Variants in MCC observed in about 807,000 individuals in gnomAD.
MCC encodes the protein colorectal mutant cancer protein.
A neutral mutation model predicts 116.2 loss-of-function variants in MCC; 90 were observed. The ratio of observed to expected loss-of-function variants is 0.77; its 90% CI spans 0.65 to 0.92. The LOEUF (loss-of-function observed/expected upper bound fraction) is 0.92. Among genes scored for constraint, MCC ranks in the 40% least tolerant of loss-of-function variants. The pLI is 0.00. For missense variants in MCC, 1,516 were observed against 1,312.2 expected (o/e 1.16, Z -2.40); for synonymous variants, 578 against 510.5 (o/e 1.13, Z -1.78).
chr5:113,029,727 A>G (rs1359318663), intron 17 of MCC, among the ~76,000 whole-genome samples: 1 of 152,180 alleles, frequency 6.6e-6, no homozygotes, highest in Non-Finnish European at 1.5e-5. Context: ...CAGTCAGCTC[A>G]TTGCCTTCCT....
Position 113,408,132 on chromosome 5 carries a change from G to T in MCC, c.171-22920C>A, listed in dbSNP as rs374037738. On this transcript the variant is annotated intron_variant, in intron 1 of 18. Transcript: ENST00000408903. Reference sequence around the variant, plus strand: ...AAGGTAGATATCTTTCATACAACCTGGACAGATAAGGTTCCTCATCTCACT... The same window carrying T: ...AAGGTAGATATCTTTCATACAACCTTGACAGATAAGGTTCCTCATCTCACT... 1.8e-4 allele frequency among the ~76,000 whole-genome samples: 27 copies of T among 152,130 alleles called. 4 individuals carry two copies. Among genetic ancestry groups the T allele is most frequent in the Admixed American group, 7.2e-4 (11 of 15,276 alleles).
intron 6 of MCC, among the ~76,000 whole-genome samples, chr5:113,106,070 C>A (rs1441413617): frequency 1.3e-5 from 2 of 152,180 alleles, no homozygotes; most frequent in Non-Finnish European, 2.9e-5. Context: ...AGAGTGAGAA[C>A]CACTGATCTG....
At chr5:113,036,708 C>T (rs1751353385) in intron 17 of MCC, among the ~76,000 whole-genome samples, 1 of 152,054 alleles carries the variant, frequency 6.6e-6, no homozygotes, top group East Asian at 1.9e-4. Context: ...GTTCCAGTGC[C>T]CTCTACCACT....
chr5:113,026,748 A>ACC lies in MCC; in HGVS notation c.*552_*553dup, dbSNP rs2150204342. 6.5e-6 allele frequency: 1 copy of ACC among 153,612 alleles called. No individual in the cohort carries two copies. The highest frequency in any genetic ancestry group is 2.4e-5 in the African/African-American group (1 of 41,548). 9.5% of individuals were successfully genotyped at this position (153,612 alleles called of 1,614,324 possible). ...CCATGACCTATAACTCCCAGAGATC[A>ACC]CCTCTTATGGCCGCCTCTATCTTAA... On this transcript the variant is annotated 3_prime_UTR_variant, in exon 19 of 19. Coordinates refer to ENST00000408903, the MANE Select transcript of MCC (RefSeq NM_001085377.2).
chr5:113,300,865 A>G (rs997309880), intron 3 of MCC, among the ~76,000 whole-genome samples: 1 of 152,170 alleles, frequency 6.6e-6, no homozygotes, highest in African/African-American at 2.4e-5. Flanking sequence ...GAACTACAAC[A>G]TGAAGAACTC....
chr5:113,032,786 T>A (rs73235125), intron 17 of MCC, among the ~76,000 whole-genome samples: 58 of 152,238 alleles, frequency 3.8e-4, no homozygotes, highest in African/African-American at 1.4e-3. Context: ...TGATAAAACA[T>A]TGCAGTAAAG....
chr5:113,312,287 A>C (rs1465894266), intron 3 of MCC, among the ~76,000 whole-genome samples: 2 of 152,010 alleles, frequency 1.3e-5, no homozygotes, highest in South Asian at 2.1e-4. Flanking sequence ...AAAAAAAAAA[A>C]CCTATAAAAC....
intron 3 of MCC, among the ~76,000 whole-genome samples, chr5:113,293,986 G>C (rs542568897): frequency 6.6e-6 from 1 of 152,154 alleles, no homozygotes; most frequent in Non-Finnish European, 1.5e-5. Context: ...GTATTTTACC[G>C]ATCAGGGAAA....
chr5:113,482,033 G>A (rs1561594939), intron 1 of MCC, among the ~76,000 whole-genome samples: 2 of 152,198 alleles, frequency 1.3e-5, no homozygotes, highest in East Asian at 3.9e-4. Flanking sequence ...TTTTGTGACT[G>A]GCTTCTTTCA....
At chr5:113,414,385 A>G (rs1165708047) in intron 1 of MCC, among the ~76,000 whole-genome samples, 2 of 152,146 alleles carry the variant, frequency 1.3e-5, no homozygotes, top group Admixed American at 6.5e-5. Context: ...GTCTCCCATT[A>G]TTATTGTGTG....
intron 8 of MCC, among the ~76,000 whole-genome samples, chr5:113,085,878 T>TA (rs769210368): frequency 7.2e-5 from 11 of 152,136 alleles, no homozygotes; most frequent in Non-Finnish European, 1.3e-4. Context: ...TTTGTAAAGA[T>TA]AGAGTCTCGC....
chr5:113,183,195 C>G (rs931314263), intron 3 of MCC, among the ~76,000 whole-genome samples: 1 of 152,160 alleles, frequency 6.6e-6, no homozygotes, highest in African/African-American at 2.4e-5. Flanking sequence ...TTTAAAAGGT[C>G]AGCTCCCTTA....
In MCC at chr5:113,465,967, C is replaced by CG. The variant is rs150954972; in HGVS notation, c.170+22277dup. ...TTTTTTTTTTTTTTAGATGGAGTCT[C>CG]GTTCCATCGCTCAGGCTGGAGTGCG... On this transcript the variant is annotated intron_variant, in intron 1 of 18. Coordinates refer to ENST00000408903, the MANE Select transcript of MCC (RefSeq NM_001085377.2). Among the ~76,000 whole-genome samples, 1,246 of 151,252 alleles carry CG rather than the reference C, an allele frequency of 8.2e-3. 19 individuals are homozygous for CG. The highest frequency in any genetic ancestry group is 0.029 in the African/African-American group (1,197 of 41,252).
chr5:113,162,990 C>T (rs564782585), intron 3 of MCC, among the ~76,000 whole-genome samples: 106 of 152,296 alleles, frequency 7.0e-4, no homozygotes, highest in Non-Finnish European at 1.3e-3. Context: ...AATCTAGAGT[C>T]TGCCTTTCAA....
rs771028136 is a variant in MCC, at chr5:113,068,190, C to T, written c.1926-7G>A. 7 of 1,610,438 alleles carry T rather than the reference C, an allele frequency of 4.3e-6. No individual in the cohort carries two copies. In the South Asian group the frequency reaches 7.7e-5, roughly 18 times the overall value. On this transcript the variant is annotated splice_polypyrimidine_tract_variant and splice_region_variant and intron_variant, in intron 12 of 18. Coordinates refer to ENST00000408903, the MANE Select transcript of MCC (RefSeq NM_001085377.2). ...GGCTTCGATGCACTGCTCGCTGAAA[C>T]AAAGCACATGGGGCCTCAGCCCTTG...
intron 16 of MCC, among the ~76,000 whole-genome samples, chr5:113,046,052 A>G (rs1376434065): frequency 6.6e-6 from 1 of 152,154 alleles, no homozygotes; most frequent in African/African-American, 2.4e-5. Flanking sequence ...GGGAGATTTT[A>G]TTCCAACAGT....
At chr5:113,085,513 C>T (rs1311396574) in intron 8 of MCC, among the ~76,000 whole-genome samples, 1 of 151,898 alleles carries the variant, frequency 6.6e-6, no homozygotes, top group Admixed American at 6.6e-5. Context: ...TCTTAAATCA[C>T]ATGTAATACA....
At position 113,030,243 on chromosome 5, in the gene MCC, G is replaced by T. The variant is rs182948989; in HGVS notation, c.2757-1187C>A. On this transcript the variant is annotated intron_variant, in intron 17 of 18. Transcript: ENST00000408903. ...TTTTACAGAGATATCAGGAGCACAGGTTCCTAAAGATACATCACTTATATT... is the reference window on the plus strand; with the variant it reads ...TTTTACAGAGATATCAGGAGCACAGTTTCCTAAAGATACATCACTTATATT... Among the ~76,000 whole-genome samples, 42 of 152,262 alleles carry T rather than the reference G, an allele frequency of 2.8e-4. 1 individual carries two copies. The highest frequency in any genetic ancestry group is 7.3e-5 in the Non-Finnish European group (5 of 68,030).
chr5:113,171,898 C>G (rs1286104415), intron 3 of MCC, among the ~76,000 whole-genome samples: 1 of 152,198 alleles, frequency 6.6e-6, no homozygotes, highest in Non-Finnish European at 1.5e-5. Context: ...AAGGCTCTCC[C>G]TTCTCACCCT....
Sources: allele counts gnomAD v4.1 joint callset (sites outside exome capture counted in the v4.1 genomes callset), GRCh38; gene constraint gnomAD v4.1.1; transcripts MANE v1.5; gene names NCBI Gene and HGNC (gene_info 2026-07-23, HGNC 2026-07-21).